Variants in MAP7 observed in about 807,000 individuals in gnomAD.
MAP7 encodes microtubule associated protein 7.
In MAP7, 52 loss-of-function variants were observed where a neutral mutation model predicts 94.8. That is an observed-to-expected ratio of 0.55 (90% confidence interval 0.44 to 0.69). The LOEUF is 0.69. MAP7 is among the 30% of genes least tolerant of loss of function. The pLI is 0.00. For synonymous variants in MAP7, 350 were observed against 357.0 expected (o/e 0.98, Z 0.22); for missense variants, 940 against 964.6 (o/e 0.97, Z 0.34).
intron 1 of MAP7, among the ~76,000 whole-genome samples, chr6:136,441,073 T>C (rs1423275028): frequency 6.6e-6 from 1 of 152,210 alleles, no homozygotes; most frequent in Non-Finnish European, 1.5e-5. Context: ...AAATATGACA[T>C]TTTCTTTATC....
At chr6:136,376,887 T>C (rs1010305471) in intron 7 of MAP7, among the ~76,000 whole-genome samples, 1 of 152,090 alleles carries the variant, frequency 6.6e-6, no homozygotes, top group South Asian at 2.1e-4. Context: ...CTAATGAACA[T>C]GGAGAGGCTT....
At chr6:136,517,083 A>G (rs1181444902) in intron 1 of MAP7, among the ~76,000 whole-genome samples, 2 of 152,214 alleles carry the variant, frequency 1.3e-5, no homozygotes, top group Non-Finnish European at 2.9e-5. Flanking sequence ...AAGGAATAAC[A>G]GGTACACTCC....
intron 1 of MAP7, among the ~76,000 whole-genome samples, chr6:136,511,547 T>C (rs897136740): frequency 7.2e-5 from 11 of 152,128 alleles, no homozygotes; most frequent in African/African-American, 2.4e-4. Context: ...AAAGGAAATT[T>C]GTGAGGGTGG....
At position 136,342,910 on chromosome 6, in the gene MAP7, C is replaced by T. The variant is rs1786835576; in HGVS notation, c.*1318G>A. 1 of 150,384 alleles carries T rather than the reference C, an allele frequency of 6.6e-6. No homozygotes were observed. The highest frequency in any genetic ancestry group is 1.5e-5 in the Non-Finnish European group (1 of 68,008). The allele number at this position is 150,384 out of a possible 1,614,324, so 9.3% of individuals were successfully genotyped here. ...CAAATTACAAGCCATTACTAAAGAC[C>T]ATATGCCTGGATTAAAAAAAATAGT... On this transcript the variant is annotated 3_prime_UTR_variant, in exon 18 of 18. Transcript: ENST00000354570.
intron 17 of MAP7, among the ~76,000 whole-genome samples, chr6:136,345,626 C>T (rs531095211): frequency 2.0e-5 from 3 of 152,284 alleles, no homozygotes; most frequent in African/African-American, 7.2e-5. Context: ...CTGGGTGCTG[C>T]GGACTGGACT....
intron 1 of MAP7, among the ~76,000 whole-genome samples, chr6:136,440,415 T>G (rs574657512): frequency 6.6e-6 from 1 of 151,952 alleles, no homozygotes; most frequent in Non-Finnish European, 1.5e-5. Flanking sequence ...GGTATGTGGG[T>G]GGGAGGCACT....
chr6:136,353,570 T>C (rs147622672), intron 16 of MAP7, among the ~76,000 whole-genome samples: 17 of 152,338 alleles, frequency 1.1e-4, no homozygotes, highest in Non-Finnish European at 1.9e-4. Context: ...ATTTATTTTT[T>C]TGAGACAGGG....
intron 1 of MAP7, among the ~76,000 whole-genome samples, chr6:136,531,244 A>T (rs1413987791): frequency 6.9e-6 from 1 of 144,982 alleles, no homozygotes; most frequent in Non-Finnish European, 1.5e-5. Flanking sequence ...AATTTTATAG[A>T]TTCCAAATGA....
At chr6:136,483,023 T>C (rs187387313) in intron 1 of MAP7, among the ~76,000 whole-genome samples, 6 of 152,064 alleles carry the variant, frequency 3.9e-5, no homozygotes, top group African/African-American at 1.4e-4. Flanking sequence ...TGTCTGCTTG[T>C]CTTATTAATT....
chr6:136,489,439 C>A (rs189253397), intron 1 of MAP7, among the ~76,000 whole-genome samples: 127 of 151,424 alleles, frequency 8.4e-4, no homozygotes, highest in African/African-American at 3.0e-3. Context: ...TTTGTCTTAC[C>A]TCTTCATACT....
chr6:136,360,032 C>A lies in MAP7; in HGVS notation c.1804-1G>T. The A allele has an allele frequency of 1.2e-6, 2 of 1,610,842 alleles. No individual in the cohort carries two copies. The highest frequency in any genetic ancestry group is 1.7e-6 in the Non-Finnish European group (2 of 1,179,036). On this transcript the variant is annotated splice_acceptor_variant, in intron 13 of 17. Coordinates refer to ENST00000354570, the MANE Select transcript of MAP7 (RefSeq NM_003980.6). LOFTEE classifies it high-confidence loss of function. ...TTCTTTTCATAATCTCCTCAAGTCGCTATAGGAAAGGAAGAATTGAGCAAG... is the reference window on the plus strand; with the variant it reads ...TTCTTTTCATAATCTCCTCAAGTCGATATAGGAAAGGAAGAATTGAGCAAG...
chr6:136,395,408 ATTTTTTT>A (rs34425736), intron 3 of MAP7, among the ~76,000 whole-genome samples: 4 of 87,700 alleles, frequency 4.6e-5, no homozygotes, highest in African/African-American at 8.5e-5. Context: ...TTTAATTTGG[ATTTTTTT>A]TTTTTTTTTT....
rs144839767 is a variant in MAP7, at chr6:136,394,931, CATATATATATATATATAT to C, written c.245-5432_245-5415del. Among the ~76,000 whole-genome samples, 40 of 27,498 alleles carry C rather than the reference CATATATATATATATATAT, an allele frequency of 1.5e-3. 2 individuals carry two copies. The highest frequency in any genetic ancestry group is 0.083 in the Middle Eastern group (1 of 12). 18.0% of individuals were successfully genotyped at this position (27,498 alleles called of 152,430 possible). A position where few individuals can be genotyped will look rare whatever the true frequency, so the allele number is the denominator to read the frequency against. Reference sequence around the variant, plus strand: ...TTTTTATGGTTGAATAATATTCCATCATATATATATATATATATATATATATATATATATATATATCAC... The same window carrying C: ...TTTTTATGGTTGAATAATATTCCATCATATATATATATATATATATATCAC... On this transcript the variant is annotated intron_variant, in intron 3 of 17. Transcript: ENST00000354570.
chr6:136,347,135 A>G (rs1425895326), intron 16 of MAP7, among the ~76,000 whole-genome samples: 1 of 150,168 alleles, frequency 6.7e-6, no homozygotes, highest in Non-Finnish European at 1.5e-5. Context: ...TATGCTTTAC[A>G]ATGTAGCCAA....
intron 1 of MAP7, chr6:136,466,955 G>A: frequency 7.5e-7 from 1 of 1,328,518 alleles, no homozygotes. Context: ...AAAGGGTGGT[G>A]AGACATACAA....
At chr6:136,451,480 T>C (rs1801103769) in intron 1 of MAP7, among the ~76,000 whole-genome samples, 1 of 152,202 alleles carries the variant, frequency 6.6e-6, no homozygotes, top group South Asian at 2.1e-4. Context: ...CATCAGGTCA[T>C]CCAAGTGATC....
At chr6:136,394,931 C>CAAATAT (rs1554243129) in intron 3 of MAP7, among the ~76,000 whole-genome samples, 1 of 27,494 alleles carries the variant, frequency 3.6e-5, no homozygotes, top group Non-Finnish European at 9.2e-5. Context: ...AATATTCCAT[C>CAAATAT]ATATATATAT....
intron 1 of MAP7, among the ~76,000 whole-genome samples, chr6:136,454,897 TA>T (rs1473886483): frequency 6.6e-6 from 1 of 151,916 alleles, no homozygotes; most frequent in African/African-American, 2.4e-5. Context: ...AGACTCTGTC[TA>T]AAAAATCAAA....
chr6:136,376,165 C>T (rs889520818), intron 7 of MAP7, among the ~76,000 whole-genome samples: 1 of 152,000 alleles, frequency 6.6e-6, no homozygotes, highest in Non-Finnish European at 1.5e-5. Flanking sequence ...GTGGTGTGAT[C>T]TCAGCTCACT....
Sources: allele counts gnomAD v4.1 joint callset (sites outside exome capture counted in the v4.1 genomes callset), GRCh38; gene constraint gnomAD v4.1.1; transcripts MANE v1.5; gene names NCBI Gene and HGNC (gene_info 2026-07-23, HGNC 2026-07-21).